IQCB1: variants seen among roughly 807,000 people sequenced by gnomAD.
The protein encoded by IQCB1 is IQ calmodulin-binding motif-containing protein 1.
A neutral mutation model predicts 84.4 loss-of-function variants in IQCB1; 56 were observed. That is an observed-to-expected ratio of 0.66 (90% confidence interval 0.54 to 0.83). The LOEUF is 0.83. Ranked by LOEUF, IQCB1 falls within the 40% of genes least tolerant of loss-of-function variation. The pLI, the probability that IQCB1 is intolerant of heterozygous loss-of-function variation, is 0.00. For missense variants in IQCB1, 629 were observed against 682.1 expected (o/e 0.92, Z 0.87); for synonymous variants, 210 against 234.8 (o/e 0.89, Z 0.96).
rs372961438 is a variant in IQCB1, at chr3:121,793,929, C to G, written c.986+1528G>C. ...TCTTGTGGGACTAAACATTAATGCT[C>G]TGAATCCATGTATAAGGGTACCCTT... On this transcript the variant is annotated intron_variant, in intron 10 of 14. Transcript: ENST00000310864. Among the ~76,000 whole-genome samples the G allele has an allele frequency of 1.2e-4, 18 of 152,164 alleles. No homozygotes were observed. The South Asian group carries it at 3.5e-3, about 30-fold the overall frequency.
intron 5 of IQCB1, among the ~76,000 whole-genome samples, chr3:121,819,979 T>G (rs1950218300): frequency 6.6e-6 from 1 of 152,184 alleles, no homozygotes; most frequent in Non-Finnish European, 1.5e-5. Context: ...CATTAGAAAT[T>G]CTTGGTATGT....
chr3:121,790,132 T>C lies in IQCB1; in HGVS notation c.1070A>G (p.Gln357Arg). 5 of 1,613,708 alleles carry C rather than the reference T, an allele frequency of 3.1e-6. No homozygotes were observed. The highest frequency in any genetic ancestry group is 1.1e-5 in the South Asian group (1 of 91,070). ...TTCTCGGGAAAGTCTCATGGCTCTC[T>C]GTCTTTGAAGTTGCAATTGTAATTT... ...DLKLQLQLQR[Q>R]RAMRLSRELQ... The change falls in exon 11 of 15, where the codon CAG (glutamine) becomes CGG (arginine). Residue 357 changes from glutamine (Q) to arginine (R), a missense_variant. Coordinates refer to ENST00000310864, the MANE Select transcript of IQCB1 (RefSeq NM_001023570.4).
chr3:121,811,166 C>T (rs1949813621), intron 5 of IQCB1, among the ~76,000 whole-genome samples: 1 of 152,108 alleles, frequency 6.6e-6, no homozygotes, highest in South Asian at 2.1e-4. Context: ...CATTGCCTCA[C>T]CTGGGAAGTG....
At position 121,770,455 on chromosome 3, in the gene IQCB1, G is replaced by A; in HGVS notation, c.1687C>T (p.Pro563Ser). 6.2e-7 allele frequency: 1 copy of A among 1,614,136 alleles called. No homozygotes were observed. The highest frequency in any genetic ancestry group is 1.3e-5 in the African/African-American group (1 of 75,058). Residue 563 changes from proline (P) to serine (S), a missense_variant, in exon 15 of 15, where the codon CCC becomes TCC. Physicochemically the swap from Pro to Ser is moderately conservative, Grantham distance 74 (BLOSUM62 -1). Coordinates refer to ENST00000310864, the MANE Select transcript of IQCB1 (RefSeq NM_001023570.4). ...HLTTLKHIQA[P>S]WWKKLGEESG... ...TCTTCTCCAAGCTTCTTCCACCAGGGTGCTTGTATGTGCTTCAGGGTTGTG... is the reference window on the plus strand; with the variant it reads ...TCTTCTCCAAGCTTCTTCCACCAGGATGCTTGTATGTGCTTCAGGGTTGTG...
At position 121,826,146 on chromosome 3, in the gene IQCB1, C is replaced by T. The variant is rs777306612; in HGVS notation, c.298G>A (p.Ala100Thr). The T allele has an allele frequency of 1.2e-6, 2 of 1,613,648 alleles. No homozygotes were observed. Among genetic ancestry groups the T allele is most frequent in the Admixed American group, 3.3e-5 (2 of 60,022 alleles). Residue 100 changes from alanine (A) to threonine (T), a missense_variant, in exon 5 of 15, where the codon GCA becomes ACA. Physicochemically the swap from Ala to Thr is moderately conservative, Grantham distance 58. Transcript: ENST00000310864. ...AGTAATTCATTGTAAAATTCCTCTG[C>T]ATCTTCTCCTGGCTCCAAGCCCACA... The part of the protein sequence containing the change: ...CCVGLEPGED[A>T]EEFYNELLPS...
chr3:121,778,899 C>CAA (rs35667822), intron 13 of IQCB1, among the ~76,000 whole-genome samples: 3 of 115,274 alleles, frequency 2.6e-5, no homozygotes, highest in African/African-American at 3.1e-5. Context: ...AACTCTGTCT[C>CAA]AAAAAAAAAA....
intron 2 of IQCB1, chr3:121,833,847 A>G (rs911556125): frequency 2.2e-5 from 3 of 139,434 alleles, no homozygotes; most frequent in Non-Finnish European, 4.6e-5. Context: ...AAAATGTAGT[A>G]TAAGTGTAGA....
chr3:121,807,337 A>C lies in IQCB1; in HGVS notation c.587+7T>G. ...AAAGCAGTAACATTTTGTAAAAACC[A>C]AGTCACCTGTTGATCTGTAGTATAT... On this transcript the variant is annotated splice_region_variant and intron_variant, in intron 7 of 14. Coordinates refer to ENST00000310864, the MANE Select transcript of IQCB1 (RefSeq NM_001023570.4). The C allele has an allele frequency of 1.4e-6, 2 of 1,392,042 alleles. No individual in the cohort carries two copies. Among genetic ancestry groups the C allele is most frequent in the Non-Finnish European group, 2.0e-6 (2 of 978,444 alleles). 86.2% of individuals were successfully genotyped at this position (1,392,042 alleles called of 1,614,324 possible).
At chr3:121,794,672 G>A (rs140654451) in intron 10 of IQCB1, among the ~76,000 whole-genome samples, 3 of 152,228 alleles carry the variant, frequency 2.0e-5, no homozygotes, top group Admixed American at 6.5e-5. Context: ...TAGCTAGAGT[G>A]ATTTCAATGT....
Position 121,770,578 on chromosome 3 carries a change from T to C in IQCB1, c.1568-4A>G, listed in dbSNP as rs769651140. 1.9e-6 allele frequency: 3 copies of C among 1,606,078 alleles called. No individual in the cohort carries two copies. Among genetic ancestry groups the C allele is most frequent in the East Asian group, 2.2e-5 (1 of 44,828 alleles). On this transcript the variant is annotated splice_region_variant and splice_polypyrimidine_tract_variant and intron_variant, in intron 14 of 14. Coordinates refer to ENST00000310864, the MANE Select transcript of IQCB1 (RefSeq NM_001023570.4). ...GCCTCCTTCAGACTTGGTGCCTCTG[T>C]AGTGGACAGAAAATAAACAGATGAG... is the stretch of plus-strand genomic sequence containing the variant.
chr3:121,817,446 G>T (rs1403612694), intron 5 of IQCB1, among the ~76,000 whole-genome samples: 4 of 151,200 alleles, frequency 2.6e-5, no homozygotes, highest in Non-Finnish European at 5.9e-5. Flanking sequence ...GAAAAGAAAA[G>T]AAAAAGAAAT....
chr3:121,794,710 T>C (rs1395919707), intron 10 of IQCB1, among the ~76,000 whole-genome samples: 2 of 152,272 alleles, frequency 1.3e-5, no homozygotes, highest in South Asian at 2.1e-4. Context: ...CATAGTATTT[T>C]GAACCCCAGA....
intron 8 of IQCB1, among the ~76,000 whole-genome samples, chr3:121,798,531 G>A (rs1314700246): frequency 6.6e-6 from 1 of 151,802 alleles, no homozygotes; most frequent in Non-Finnish European, 1.5e-5. Context: ...AAATTACCAT[G>A]TCTCTGTTTC....
chr3:121,781,500 T>C (rs991838591), intron 13 of IQCB1, among the ~76,000 whole-genome samples: 4 of 152,072 alleles, frequency 2.6e-5, no homozygotes, highest in Non-Finnish European at 5.9e-5. Context: ...ATTGACATAG[T>C]ATGGGAAAAA....
At chr3:121,773,220 G>A (rs1298110246) in intron 13 of IQCB1, among the ~76,000 whole-genome samples, 3 of 150,830 alleles carry the variant, frequency 2.0e-5, no homozygotes, top group Admixed American at 1.3e-4. Flanking sequence ...AGGCTGAGGC[G>A]GGAGAATTAC....
chr3:121,771,592 G>A (rs1409975324), intron 14 of IQCB1, among the ~76,000 whole-genome samples: 3 of 152,116 alleles, frequency 2.0e-5, no homozygotes, highest in Non-Finnish European at 4.4e-5. Flanking sequence ...CTCCCAAAGT[G>A]CTGGGATTAG....
chr3:121,809,218 T>C (rs1263251307), intron 5 of IQCB1, among the ~76,000 whole-genome samples: 1 of 151,914 alleles, frequency 6.6e-6, no homozygotes, highest in Non-Finnish European at 1.5e-5. Flanking sequence ...ATGGTTGTTA[T>C]CCAGATAAAA....
chr3:121,787,435 G>C (rs1043857757), intron 12 of IQCB1, among the ~76,000 whole-genome samples: 1 of 152,164 alleles, frequency 6.6e-6, no homozygotes, highest in Non-Finnish European at 1.5e-5. Context: ...CTATGCTCTA[G>C]AGAGATCACA....
At chr3:121,783,984 G>A (rs1024704587) in intron 12 of IQCB1, among the ~76,000 whole-genome samples, 1 of 152,110 alleles carries the variant, frequency 6.6e-6, no homozygotes, top group East Asian at 1.9e-4. Context: ...TTTGTTCCTA[G>A]TATATCTTAC....
Sources: allele counts gnomAD v4.1 joint callset (sites outside exome capture counted in the v4.1 genomes callset), GRCh38; gene constraint gnomAD v4.1.1; transcripts MANE v1.5; gene names NCBI Gene and HGNC (gene_info 2026-07-23, HGNC 2026-07-21).